ANKRD18B: variants seen among roughly 807,000 people sequenced by gnomAD.
ANKRD18B encodes ankyrin repeat domain-containing protein 18B.
Under a neutral mutation model 111.8 loss-of-function variants are expected in ANKRD18B, and 75 were observed. That is an observed-to-expected ratio of 0.67 (90% CI 0.56 to 0.81). The LOEUF is 0.81. ANKRD18B is among the 40% of genes least tolerant of loss of function. ANKRD18B has a pLI of 0.00. For missense variants in ANKRD18B, 1,038 were observed against 1,225.5 expected (o/e 0.85, Z 2.28); for synonymous variants, 356 against 417.3 (o/e 0.85, Z 1.79).
intron 14 of ANKRD18B, among the ~76,000 whole-genome samples, chr9:33,563,500 A>G (rs1828637628): frequency 6.6e-6 from 1 of 151,244 alleles, no homozygotes; most frequent in African/African-American, 2.4e-5. Flanking sequence ...CTCTCTCACA[A>G]TCTGGGGGCT....
rs1385160640 is a variant in ANKRD18B, at chr9:33,528,828, C to T, written c.308C>T (p.Thr103Ile). The T allele has an allele frequency of 6.2e-7, 1 of 1,607,934 alleles. No individual in the cohort carries two copies. The highest frequency in any genetic ancestry group is 8.5e-7 in the Non-Finnish European group (1 of 1,176,874). Residue 103 changes from threonine (T) to isoleucine (I), a missense_variant, in exon 2 of 19, where the codon ACA becomes ATA. Around this residue, in one of 4 missense-constraint regions of ANKRD18B, gnomAD observed 216 missense variants for 205.1 expected, o/e 1.05. Transcript: ENST00000684830. ...AACATCTGTGACAGACTAAACAGGA[C>T]ACCTTTAATGAAGGTATATAGTAGC... ...QINICDRLNR[T>I]PLMKAVHCQE...
Position 33,554,915 on chromosome 9 carries a change from C to G in ANKRD18B, c.2218-793C>G, listed in dbSNP as rs573982821. On this transcript the variant is annotated intron_variant, in intron 12 of 18. Transcript: ENST00000684830. ...TAATTAAATTGTGACAGGTTCATAACTTAGGATTACACATGACCTTTGCCA... is the reference window on the plus strand; with the variant it reads ...TAATTAAATTGTGACAGGTTCATAAGTTAGGATTACACATGACCTTTGCCA... Among the ~76,000 whole-genome samples, 3 of 151,694 alleles carry G rather than the reference C, an allele frequency of 2.0e-5. No homozygotes were observed. In the South Asian group the frequency reaches 6.3e-4, roughly 32 times the overall value.
rs1475422992 is a variant in ANKRD18B at position 33,533,464 on chromosome 9, C to G, written c.521C>G (p.Ala174Gly). 2 of 1,530,698 alleles carry G rather than the reference C, an allele frequency of 1.3e-6. No homozygotes were observed. Among genetic ancestry groups the G allele is most frequent in the Non-Finnish European group, 1.8e-6 (2 of 1,140,042 alleles). 94.8% of individuals were successfully genotyped at this position (1,530,698 alleles called of 1,614,324 possible). A position where few individuals can be genotyped will look rare whatever the true frequency, so the allele number is the denominator to read the frequency against. Residue 174 changes from alanine (A) to glycine (G), a missense_variant, in exon 4 of 19, where the codon GCT (alanine) becomes GGT (glycine). Ala to Gly is a moderately conservative substitution (Grantham distance 60). Coordinates refer to ENST00000684830, the MANE Select transcript of ANKRD18B (RefSeq NM_001393611.1). Reference protein sequence around the residue: ...NKEGNTPLLFAINSRRQHMVE... With the variant: ...NKEGNTPLLFGINSRRQHMVE... ...GAGGGAAACACTCCACTTTTGTTTG[C>G]TATAAATTCCAGGAGACAGCATATG... is the stretch of plus-strand genomic sequence containing the variant.
chr9:33,549,265 A>C (rs184487078), intron 11 of ANKRD18B, among the ~76,000 whole-genome samples: 1 of 152,220 alleles, frequency 6.6e-6, no homozygotes, highest in Admixed American at 6.5e-5. Flanking sequence ...TTAGTAAACC[A>C]AAAAAGTGTT....
intron 17 of ANKRD18B, chr9:33,569,173 A>G (rs1162063510): frequency 3.6e-6 from 1 of 279,194 alleles, no homozygotes; most frequent in Non-Finnish European, 6.6e-6. Context: ...GTTTTAAAAA[A>G]TGCATGTTAT....
intron 17 of ANKRD18B, among the ~76,000 whole-genome samples, chr9:33,570,077 A>G (rs140691606): frequency 0.058 from 8,876 of 152,314 alleles, 451 homozygotes; most frequent in African/African-American, 0.12. Flanking sequence ...TGAAAATCCA[A>G]GGTAGATTGG....
At chr9:33,535,075 A>G (rs1252884407) in intron 5 of ANKRD18B, among the ~76,000 whole-genome samples, 1 of 151,908 alleles carries the variant, frequency 6.6e-6, no homozygotes, top group Non-Finnish European at 1.5e-5. Flanking sequence ...AAGGAAGACA[A>G]TCTTGCTTTA....
chr9:33,537,288 C>T (rs1828215654), intron 6 of ANKRD18B, among the ~76,000 whole-genome samples: 2 of 151,994 alleles, frequency 1.3e-5, no homozygotes. Flanking sequence ...AAGAGCAAGA[C>T]TCTATCTCCA....
In ANKRD18B at chr9:33,571,277, C is replaced by A; in HGVS notation, c.3209C>A (p.Thr1070Lys). 1 of 1,165,244 alleles carries A rather than the reference C, an allele frequency of 8.6e-7. No individual in the cohort carries two copies. The highest frequency in any genetic ancestry group is 1.8e-5 in the South Asian group (1 of 55,480). The allele number at this position is 1,165,244 out of a possible 1,614,324, so 72.2% of individuals were successfully genotyped here. ...CTGGACTGTGCAGAACAAATAATTA[C>A]AGAAACAAAGAAAAGTATGTTGCCA... ...MELDCAEQII[T>K]ETKKTFAALG... The change falls in exon 18 of 19, where the codon ACA becomes AAA. Residue 1070 changes from threonine to lysine, a missense_variant. Transcript: ENST00000684830.
intron 12 of ANKRD18B, among the ~76,000 whole-genome samples, chr9:33,554,613 C>T (rs1186897503): frequency 6.6e-6 from 1 of 152,080 alleles, no homozygotes; most frequent in East Asian, 1.9e-4. Context: ...CCAGCGTGGC[C>T]AACATTGTGA....
intron 1 of ANKRD18B, 42 bp downstream of exon 1, chr9:33,524,737 C>G (rs1396230515): frequency 4.6e-6 from 7 of 1,525,014 alleles, no homozygotes; most frequent in Non-Finnish European, 6.2e-6. Flanking sequence ...GCCCCCAGGC[C>G]CGGTTTCCCC....
intron 13 of ANKRD18B, among the ~76,000 whole-genome samples, chr9:33,557,443 G>A (rs1416478279): frequency 4.6e-5 from 7 of 151,794 alleles, no homozygotes; most frequent in South Asian, 2.1e-4. Flanking sequence ...TTACTAATAC[G>A]TTATTTCATC....
At chr9:33,571,809 T>C (rs1828783615) in intron 18 of ANKRD18B, 1 of 155,486 alleles carries the variant, frequency 6.4e-6, no homozygotes, top group Non-Finnish European at 1.4e-5. Context: ...TCAGGATCTT[T>C]GCCTTCGCCT....
rs1300929164 is a variant in ANKRD18B, at chr9:33,548,681, A to G, written c.1893A>G (p.Leu631=). 7 of 1,551,246 alleles carry G rather than the reference A, an allele frequency of 4.5e-6. No individual in the cohort carries two copies. The highest frequency in any genetic ancestry group is 5.2e-6 in the Non-Finnish European group (6 of 1,146,666). Residue 631 remains leucine, a synonymous_variant, in exon 11 of 19, where the codon CTA becomes CTG. Coordinates refer to ENST00000684830, the MANE Select transcript of ANKRD18B (RefSeq NM_001393611.1). ...ELENLLLERQ[L]EDARKEGDNK... is the part of the protein sequence containing the mutation. Reference sequence around the variant, plus strand: ...AAAATCTCTTGCTTGAACGACAACTAGAGGATGCTCGTAAGGAAGGTGATA... The same window carrying G: ...AAAATCTCTTGCTTGAACGACAACTGGAGGATGCTCGTAAGGAAGGTGATA...
chr9:33,543,184 G>A lies in ANKRD18B; in HGVS notation c.1079-1G>A, dbSNP rs566526810. 54 of 1,550,794 alleles carry A rather than the reference G, an allele frequency of 3.5e-5. 2 individuals carry two copies. In the South Asian group the frequency reaches 6.3e-4, roughly 18 times the overall value. On this transcript the variant is annotated splice_acceptor_variant, in intron 9 of 18. Coordinates refer to ENST00000684830, the MANE Select transcript of ANKRD18B (RefSeq NM_001393611.1). LOFTEE classifies it high-confidence loss of function. ...AACTAAACATATGGATTTGTCAGCA[G>A]AACACAACTTAAAAGTGGCTTCAGA...
intron 12 of ANKRD18B, among the ~76,000 whole-genome samples, chr9:33,551,924 C>T (rs1213536293): frequency 6.6e-6 from 1 of 152,224 alleles, no homozygotes; most frequent in Non-Finnish European, 1.5e-5. Flanking sequence ...ACTGACCTTA[C>T]ATCTCAGCAC....
chr9:33,531,268 G>A (rs2117984194), intron 3 of ANKRD18B, among the ~76,000 whole-genome samples: 1 of 152,154 alleles, frequency 6.6e-6, no homozygotes, highest in East Asian at 1.9e-4. Flanking sequence ...TTTTTATTAT[G>A]TATATATCAG....
chr9:33,534,023 A>G (rs1828157426), intron 4 of ANKRD18B, among the ~76,000 whole-genome samples: 1 of 151,974 alleles, frequency 6.6e-6, no homozygotes, highest in African/African-American at 2.4e-5. Flanking sequence ...ATTCGAAGCA[A>G]TGGGAAAGCA....
chr9:33,532,799 C>G (rs958332900), intron 3 of ANKRD18B, among the ~76,000 whole-genome samples: 1 of 152,110 alleles, frequency 6.6e-6, no homozygotes, highest in Non-Finnish European at 1.5e-5. Context: ...GCAACTGTAT[C>G]CCTGAAACTC....
Sources: gnomAD v4.1 joint callset for allele counts (sites outside exome capture counted in the v4.1 genomes callset) on GRCh38, gnomAD v4.1.1 for gene constraint, gnomAD v4.1.1 regional missense constraint, MANE v1.5 for transcripts, NCBI Gene and HGNC (gene_info 2026-07-23, HGNC 2026-07-21) for gene names.